CP: variants seen among roughly 807,000 people sequenced by gnomAD.
The protein encoded by CP is caeruloplasmin.
CP carries 64 observed loss-of-function variants against 122.4 expected under a neutral mutation model. The observed-to-expected ratio is 0.52, with a 90% CI of 0.43 to 0.64. The LOEUF (loss-of-function observed/expected upper bound fraction) is 0.64. Ranked by LOEUF, CP falls within the 30% of genes least tolerant of loss-of-function variation. The pLI, the probability that CP is intolerant of heterozygous loss-of-function variation, is 0.00. For missense variants in CP, 1,167 were observed against 1,284.4 expected, an observed-to-expected ratio of 0.91 and a Z score of 1.40; for synonymous variants, 440 against 436.4, an observed-to-expected ratio of 1.01 and a Z score of -0.10.
At position 149,214,318 on chromosome 3, in the gene CP, G is replaced by A. The variant is rs543772959; in HGVS notation, c.147-1620C>T. Among the ~76,000 whole-genome samples, 56 of 152,330 alleles carry A rather than the reference G, an allele frequency of 3.7e-4. 1 individual carries two copies. The South Asian group carries it at 0.011, about 30-fold the overall frequency. On this transcript the variant is annotated intron_variant, in intron 1 of 18. Coordinates refer to ENST00000264613, the MANE Select transcript of CP (RefSeq NM_000096.4). ...GTCCTGGTGGCTGAGTTTGGGCAGA[G>A]TGAGCAGGTGTTGAAAATAAGAGTC...
chr3:149,186,407 C>A, intron 11 of CP, 113 bp downstream of exon 11: 1 of 1,006,540 alleles, frequency 9.9e-7, no homozygotes, highest in Non-Finnish European at 1.5e-6. Flanking sequence ...AGGAAGGGCA[C>A]TTCAGAGGCT....
intron 9 of CP, among the ~76,000 whole-genome samples, chr3:149,197,728 A>G (rs1466100018): frequency 6.6e-6 from 1 of 152,166 alleles, no homozygotes; most frequent in Non-Finnish European, 1.5e-5. Flanking sequence ...ATAAATTCTG[A>G]TAAGGAACGT....
chr3:149,203,199 G>A (rs1356325834), intron 6 of CP, among the ~76,000 whole-genome samples: 4 of 152,140 alleles, frequency 2.6e-5, no homozygotes, highest in Non-Finnish European at 5.9e-5. Context: ...AAGCCACTGC[G>A]CCCGGCCCCA....
chr3:149,220,161 C>G (rs1371216653), intron 1 of CP, among the ~76,000 whole-genome samples: 1 of 152,140 alleles, frequency 6.6e-6, no homozygotes, highest in Non-Finnish European at 1.5e-5. Flanking sequence ...TAAACAAACT[C>G]CTTCACTCTT....
chr3:149,218,564 C>A (rs986011631), intron 1 of CP, among the ~76,000 whole-genome samples: 1 of 152,154 alleles, frequency 6.6e-6, no homozygotes, highest in Non-Finnish European at 1.5e-5. Flanking sequence ...GTTGCACTAA[C>A]CCTGCATATA....
rs377399233 is a variant in CP at position 149,217,177 on chromosome 3, G to A, written c.146+4470C>T. Among the ~76,000 whole-genome samples, 27 of 152,254 alleles carry A rather than the reference G, an allele frequency of 1.8e-4. No homozygotes were observed. In the East Asian group the frequency reaches 3.7e-3, roughly 21 times the overall value. On this transcript the variant is annotated intron_variant, in intron 1 of 18. Transcript: ENST00000264613. ...GCCTCCCAAAGTGCTGGGATTACAG[G>A]TGTGAGCCACCACGCCCAGCCCTAT...
intron 4 of CP, among the ~76,000 whole-genome samples, chr3:149,166,865 A>G (rs1406887040): frequency 2.0e-5 from 3 of 152,226 alleles, no homozygotes; most frequent in Admixed American, 6.5e-5. Context: ...TCAAGATTAT[A>G]TTATACTTAG....
chr3:149,162,713 T>C lies in CP; in HGVS notation c.*176A>G, dbSNP rs1450433255. The C allele has an allele frequency of 1.9e-6, 3 of 1,613,904 alleles. No homozygotes were observed. Among genetic ancestry groups the C allele is most frequent in the Non-Finnish European group, 2.5e-6 (3 of 1,179,930 alleles). ...AGGTGCTTTGTGCTAAGGATGAAGA[T>C]ACAATTCCTCAGCTCTTGGTAGACT... On this transcript the variant is annotated 3_prime_UTR_variant, in exon 6 of 6. Transcript: ENST00000479771.
chr3:149,209,101 A>G, intron 4 of CP, 110 bp downstream of exon 4: 1 of 1,372,722 alleles, frequency 7.3e-7, no homozygotes. Context: ...CTTTGTTATA[A>G]GGACCACAGA....
At chr3:149,184,315 G>A (rs1376192668) in intron 12 of CP, among the ~76,000 whole-genome samples, 4 of 152,024 alleles carry the variant, frequency 2.6e-5, no homozygotes, top group Non-Finnish European at 5.9e-5. Flanking sequence ...GATTACAGAC[G>A]TGAGCCACCG....
intron 8 of CP, among the ~76,000 whole-genome samples, chr3:149,198,921 A>G (rs1232455132): frequency 2.0e-5 from 3 of 152,374 alleles, no homozygotes; most frequent in Admixed American, 6.5e-5. Context: ...CAGCTAGAAC[A>G]ATGCCGGCAA....
intron 6 of CP, among the ~76,000 whole-genome samples, chr3:149,203,997 T>C (rs548611438): frequency 6.6e-6 from 1 of 152,214 alleles, no homozygotes; most frequent in Non-Finnish European, 1.5e-5. Flanking sequence ...AGTGTGTGTG[T>C]AGCGCAGAGA....
chr3:149,187,919 T>C, intron 10 of CP, 133 bp downstream of exon 10: 1 of 926,928 alleles, frequency 1.1e-6, no homozygotes, highest in Non-Finnish European at 1.7e-6. Flanking sequence ...TGAGATTACC[T>C]TCAGGACACT....
intron 9 of CP, among the ~76,000 whole-genome samples, chr3:149,191,193 TATC>T (rs1196874313): frequency 1.3e-5 from 2 of 152,136 alleles, no homozygotes; most frequent in Non-Finnish European, 2.9e-5. Context: ...CATTAAATAT[TATC>T]TCCACATTAT....
rs35516209 is a variant in CP at position 149,187,939 on chromosome 3, G to A, written c.1864+113C>T. On this transcript the variant is annotated intron_variant, in intron 10 of 18. Transcript: ENST00000264613. ...TTACCTTCAGGACACTATTGTAATCGTTTATTGAAAAAATAATCAATGAGC... is the reference window on the plus strand; with the variant it reads ...TTACCTTCAGGACACTATTGTAATCATTTATTGAAAAAATAATCAATGAGC... The A allele has an allele frequency of 0.053, 60,524 of 1,140,946 alleles. 1,847 individuals carry two copies. Among genetic ancestry groups the A allele is most frequent in the Middle Eastern group, 0.072 (248 of 3,440 alleles). The allele number at this position is 1,140,946 out of a possible 1,614,324, so 70.7% of individuals were successfully genotyped here.
chr3:149,163,991 C>A, intron 5 of CP: 1 of 987,830 alleles, frequency 1.0e-6, no homozygotes, highest in Non-Finnish European at 1.6e-6. Context: ...TTGCATATTA[C>A]AATATAGTGT....
In CP at chr3:149,183,475, C is replaced by A; in HGVS notation, c.2416G>T (p.Gly806Ter). 6.2e-7 allele frequency: 1 copy of A among 1,611,232 alleles called. No homozygotes were observed. Among genetic ancestry groups the A allele is most frequent in the South Asian group, 1.1e-5 (1 of 90,968 alleles). Reference sequence around the variant, plus strand: ...GGAGATATTAACATACCTAGAATTCCCAGATGTTCTTCTTCAGCTTTTCTC... The same window carrying A: ...GGAGATATTAACATACCTAGAATTCACAGATGTTCTTCTTCAGCTTTTCTC... ...VERKAEEEHL[G>*]ILGPQLHADV... Residue 806 changes from glycine (G) to a stop codon, truncating the protein, a stop_gained, in exon 13 of 19, where the codon GGA becomes TGA. Coordinates refer to ENST00000264613, the MANE Select transcript of CP (RefSeq NM_000096.4). LOFTEE classifies it high-confidence loss of function.
intron 6 of CP, among the ~76,000 whole-genome samples, chr3:149,204,278 G>T (rs1056185527): frequency 6.6e-6 from 1 of 152,180 alleles, no homozygotes; most frequent in African/African-American, 2.4e-5. Flanking sequence ...TGGAGAATGT[G>T]TTGGAAAATA....
intron 5 of CP, among the ~76,000 whole-genome samples, chr3:149,165,077 C>A (rs1184919377): frequency 6.6e-6 from 1 of 152,086 alleles, no homozygotes; most frequent in Non-Finnish European, 1.5e-5. Flanking sequence ...TAAAAAATAA[C>A]CAAAGAAGAT....
Sources: allele counts gnomAD v4.1 joint callset (sites outside exome capture counted in the v4.1 genomes callset), GRCh38; gene constraint gnomAD v4.1.1; transcripts MANE v1.5; gene names NCBI Gene and HGNC (gene_info 2026-07-23, HGNC 2026-07-21).